The following DIAPH2 variants were observed in gnomAD, a reference collection of about 807,000 sequenced individuals.
DIAPH2 encodes the protein diaphanous related formin 2, also known as protein diaphanous homolog 2.
DIAPH2 carries 35 observed loss-of-function variants against 92.7 expected under a neutral mutation model. That is an observed-to-expected ratio of 0.38 (90% confidence interval 0.29 to 0.50). The LOEUF is 0.50. Ranked by LOEUF, DIAPH2 falls within the 20% of genes least tolerant of loss-of-function variation. The pLI, the probability that DIAPH2 is intolerant of heterozygous loss-of-function variation, is 0.94. For synonymous variants in DIAPH2, 301 were observed against 280.4 expected, an observed-to-expected ratio of 1.07 and a Z score of -0.73; for missense variants, 701 against 819.5, an observed-to-expected ratio of 0.86 and a Z score of 1.77.
chrX:97,226,420 G>A (rs1385869284), intron 22 of DIAPH2, among the ~76,000 whole-genome samples: 3 of 110,779 alleles, frequency 2.7e-5, no homozygotes, highest in African/African-American at 9.9e-5. Context: ...TGTTGCCCAG[G>A]CTGGGTGCAA....
intron 4 of DIAPH2, among the ~76,000 whole-genome samples, chrX:96,811,555 A>G (rs969252904): frequency 3.6e-5 from 4 of 111,508 alleles, no homozygotes; most frequent in Admixed American, 9.5e-5. Flanking sequence ...TTCCAACACT[A>G]TGTTGAATAG....
intron 26 of DIAPH2, among the ~76,000 whole-genome samples, chrX:97,450,639 C>G (rs957853876): frequency 9.0e-6 from 1 of 111,296 alleles, no homozygotes; most frequent in Non-Finnish European, 1.9e-5. Flanking sequence ...TGCCCTGAGT[C>G]CTTCAATTGC....
intron 17 of DIAPH2, among the ~76,000 whole-genome samples, chrX:97,059,253 G>A (rs2066579972): frequency 8.9e-6 from 1 of 111,800 alleles, no homozygotes; most frequent in Non-Finnish European, 1.9e-5. Flanking sequence ...TTAAAAATGT[G>A]TATATTTTGG....
intron 23 of DIAPH2, among the ~76,000 whole-genome samples, chrX:97,248,181 AG>A (rs1290559613): frequency 9.0e-6 from 1 of 111,594 alleles, no homozygotes; most frequent in Non-Finnish European, 1.9e-5. Flanking sequence ...AATTATCAAC[AG>A]AAGGTTTTTT....
chrX:97,399,040 G>A (rs1028191499), intron 25 of DIAPH2, among the ~76,000 whole-genome samples: 8 of 111,052 alleles, frequency 7.2e-5, no homozygotes, highest in Admixed American at 6.7e-4. Context: ...CATTGCACCC[G>A]GCCGGATGTG....
At chrX:97,192,211 T>C (rs1462588899) in intron 22 of DIAPH2, among the ~76,000 whole-genome samples, 1 of 105,101 alleles carries the variant, frequency 9.5e-6, no homozygotes, top group Non-Finnish European at 1.9e-5. Context: ...GGAGAATCAC[T>C]TGAACCCGTG....
At chrX:97,468,351 A>AT (rs1371708179) in intron 26 of DIAPH2, among the ~76,000 whole-genome samples, 72 of 111,647 alleles carry the variant, frequency 6.4e-4, no homozygotes, top group African/African-American at 2.3e-3. Flanking sequence ...CATCATATTC[A>AT]TTAGCCCCAG....
intron 26 of DIAPH2, among the ~76,000 whole-genome samples, chrX:97,516,688 A>T (rs1264556771): frequency 9.0e-6 from 1 of 111,452 alleles, no homozygotes; most frequent in Non-Finnish European, 1.9e-5. Context: ...ACCTGTGGCT[A>T]TTTCCCCCTG....
chrX:96,950,194 T>C (rs1048623720), intron 15 of DIAPH2, among the ~76,000 whole-genome samples: 1 of 111,393 alleles, frequency 9.0e-6, no homozygotes, highest in African/African-American at 3.3e-5. Flanking sequence ...CCTTCCACAA[T>C]ATTCTGTCCT....
intron 23 of DIAPH2, among the ~76,000 whole-genome samples, chrX:97,296,636 A>G (rs961264597): frequency 8.9e-6 from 1 of 112,155 alleles, no homozygotes; most frequent in African/African-American, 3.2e-5. Context: ...TGTAAACATT[A>G]TAGGAACTCT....
At chrX:96,782,004 C>A (rs1185668844) in intron 4 of DIAPH2, among the ~76,000 whole-genome samples, 2 of 112,109 alleles carry the variant, frequency 1.8e-5, no homozygotes, top group Admixed American at 9.4e-5. Context: ...TAAAAGTACA[C>A]AAGTTCCCCT....
rs754066368 is a variant in DIAPH2, at chrX:96,884,793, G to C, written c.587+3075G>C. ...AGTTCACCGTGCATATTCTGGAAAC[G>C]GTCAATGCACACATGATGCTGGATA... On this transcript the variant is annotated intron_variant, in intron 5 of 26. Transcript: ENST00000324765. 5.8e-6 allele frequency: 7 copies of C among 1,210,909 alleles called. No homozygotes were observed. In the South Asian group the frequency reaches 1.2e-4, roughly 21 times the overall value.
intron 26 of DIAPH2, among the ~76,000 whole-genome samples, chrX:97,464,289 A>G (rs769563141): frequency 3.8e-4 from 23 of 60,771 alleles, no homozygotes; most frequent in East Asian, 1.8e-3. Flanking sequence ...GTGAAACCCC[A>G]TCTCTACTAA....
chrX:97,185,323 ATGTG>A (rs2067573775), intron 22 of DIAPH2, among the ~76,000 whole-genome samples: 1 of 47,729 alleles, frequency 2.1e-5, no homozygotes, highest in African/African-American at 1.2e-4. Flanking sequence ...ATATATATAT[ATGTG>A]TATATATATA....
chrX:97,310,182 A>G, intron 23 of DIAPH2, among the ~76,000 whole-genome samples: 1 of 112,364 alleles, frequency 8.9e-6, no homozygotes, highest in Non-Finnish European at 1.9e-5. Flanking sequence ...TGGAATAAAA[A>G]GTGAATTAAA....
intron 22 of DIAPH2, among the ~76,000 whole-genome samples, chrX:97,149,371 A>T (rs1008505878): frequency 9.0e-6 from 1 of 111,559 alleles, no homozygotes; most frequent in Non-Finnish European, 1.9e-5. Flanking sequence ...CTGAGTATAC[A>T]TATTACTACA....
intron 15 of DIAPH2, chrX:96,954,178 C>CA (rs769062880): frequency 4.5e-4 from 50 of 111,977 alleles, no homozygotes; most frequent in African/African-American, 1.6e-3. Flanking sequence ...AGGCCTGTTG[C>CA]AAAAAACTCA....
intron 24 of DIAPH2, among the ~76,000 whole-genome samples, chrX:97,362,286 A>G (rs1217287639): frequency 9.0e-6 from 1 of 110,901 alleles, no homozygotes; most frequent in African/African-American, 3.3e-5. Context: ...ATGGATTGGG[A>G]CATGCAACTA....
chrX:97,152,779 C>T (rs781052165), intron 22 of DIAPH2, among the ~76,000 whole-genome samples: 2 of 112,561 alleles, frequency 1.8e-5, no homozygotes, highest in Non-Finnish European at 3.7e-5. Flanking sequence ...CTCAACACCT[C>T]CATGGTAGGG....
Sources: gnomAD v4.1 joint callset for allele counts (sites outside exome capture counted in the v4.1 genomes callset) on GRCh38, gnomAD v4.1.1 for gene constraint, MANE v1.5 for transcripts, NCBI Gene and HGNC (gene_info 2026-07-23, HGNC 2026-07-21) for gene names.